Variants in SIPA1L1 observed in about 807,000 individuals in gnomAD.
SIPA1L1 encodes the protein signal induced proliferation associated 1 like 1, also known as signal-induced proliferation-associated 1-like protein 1.
A neutral mutation model predicts 162.7 loss-of-function variants in SIPA1L1; 26 were observed. That is an observed-to-expected ratio of 0.16 (90% CI 0.12 to 0.22). The LOEUF (loss-of-function observed/expected upper bound fraction) is 0.22, where lower values mean the gene tolerates loss of function less well. Ranked by LOEUF, SIPA1L1 falls within the 10% of genes least tolerant of loss-of-function variation. The pLI, the probability that SIPA1L1 is intolerant of heterozygous loss-of-function variation, is 1.00. For synonymous variants in SIPA1L1, 829 were observed against 837.4 expected, an observed-to-expected ratio of 0.99 and a Z score of 0.17; for missense variants, 1,874 against 2,241.0, an observed-to-expected ratio of 0.84 and a Z score of 3.31.
intron 7 of SIPA1L1, among the ~76,000 whole-genome samples, chr14:71,627,501 A>G (rs1275398123): frequency 6.6e-6 from 1 of 151,928 alleles, no homozygotes; most frequent in Admixed American, 6.6e-5. Context: ...AGAAGACAAA[A>G]CTAACCTCCT....
At chr14:71,349,920 G>A (rs2036529857) in intron 2 of SIPA1L1, among the ~76,000 whole-genome samples, 1 of 152,170 alleles carries the variant, frequency 6.6e-6, no homozygotes, top group Admixed American at 6.5e-5. Context: ...GTGCTCTTGT[G>A]ACACTGGGGA....
At chr14:71,446,951 TC>T (rs2045448263) in intron 2 of SIPA1L1, among the ~76,000 whole-genome samples, 1 of 141,120 alleles carries the variant, frequency 7.1e-6, no homozygotes, top group Non-Finnish European at 1.5e-5. Flanking sequence ...TTGCTTTGTT[TC>T]CCAGGCTGGA....
intron 2 of SIPA1L1, among the ~76,000 whole-genome samples, chr14:71,396,358 C>T (rs764990359): frequency 3.3e-5 from 5 of 152,138 alleles, no homozygotes; most frequent in Non-Finnish European, 7.4e-5. Context: ...TTGGGTTTCT[C>T]AGCCCAGTGC....
intron 17 of SIPA1L1, among the ~76,000 whole-genome samples, chr14:71,715,602 C>T (rs117395809): frequency 1.4e-3 from 207 of 152,330 alleles, no homozygotes; most frequent in Non-Finnish European, 2.4e-3. Context: ...GCTGTTTTTA[C>T]ATGTCTGTTG....
chr14:71,518,187 G>A lies in SIPA1L1; in HGVS notation c.-362+5342G>A, dbSNP rs60239886. ...TAGTTTCAGTTACTTGGGAGGCTGA[G>A]GTGGGAGGATTGCTTGAGCTTCAGA... is the stretch of plus-strand genomic sequence containing the variant. On this transcript the variant is annotated intron_variant, in intron 3 of 23. Transcript: ENST00000381232. Among the ~76,000 whole-genome samples the A allele has an allele frequency of 3.9e-3, 592 of 152,162 alleles. 6 individuals are homozygous for A. The highest frequency in any genetic ancestry group is 0.014 in the African/African-American group (571 of 41,512).
intron 2 of SIPA1L1, among the ~76,000 whole-genome samples, chr14:71,414,328 G>A (rs1374009629): frequency 2.0e-5 from 3 of 152,170 alleles, no homozygotes; most frequent in South Asian, 2.1e-4. Context: ...GCAGTGAGCC[G>A]AGATTGTGCC....
chr14:71,498,000 G>A (rs2049922484), intron 2 of SIPA1L1: 1 of 152,172 alleles, frequency 6.6e-6, no homozygotes, highest in Non-Finnish European at 1.5e-5. Context: ...CCACTACATG[G>A]TATTGCCAGC....
At chr14:71,609,450 ATTTAT>A (rs1342081785) in intron 5 of SIPA1L1, among the ~76,000 whole-genome samples, 1 of 143,630 alleles carries the variant, frequency 7.0e-6, no homozygotes, top group African/African-American at 2.6e-5. Flanking sequence ...TTATTTATTT[ATTTAT>A]TTATTTATTT....
chr14:71,675,454 A>G (rs2045047850), intron 12 of SIPA1L1, among the ~76,000 whole-genome samples: 1 of 152,204 alleles, frequency 6.6e-6, no homozygotes, highest in South Asian at 2.1e-4. Context: ...AGACCTGGGC[A>G]GGGCAGGTGG....
At chr14:71,703,595 A>G (rs746728345) in intron 15 of SIPA1L1, among the ~76,000 whole-genome samples, 2 of 152,182 alleles carry the variant, frequency 1.3e-5, no homozygotes, top group Non-Finnish European at 2.9e-5. Flanking sequence ...GCATATTCTG[A>G]TCTGCTTTTC....
chr14:71,423,773 A>G (rs931775892), intron 2 of SIPA1L1, among the ~76,000 whole-genome samples: 1 of 152,064 alleles, frequency 6.6e-6, no homozygotes, highest in Non-Finnish European at 1.5e-5. Flanking sequence ...CCTTTTCAGG[A>G]TCATTGTGGC....
rs2083485602 is a variant in SIPA1L1 at position 71,719,083 on chromosome 14, C to A, written c.4209-4564C>A. Among the ~76,000 whole-genome samples the A allele has an allele frequency of 2.0e-5, 3 of 151,994 alleles. No individual in the cohort carries two copies. The South Asian group carries it at 6.2e-4, about 32-fold the overall frequency. ...CCCCCCAAGTAGCTGGGTCTACAGG[C>A]ACATGCCACCACACCTGGCTAATTT... On this transcript the variant is annotated intron_variant, in intron 17 of 23. Coordinates refer to ENST00000381232, the MANE Select transcript of SIPA1L1 (RefSeq NM_001386936.1).
intron 17 of SIPA1L1, among the ~76,000 whole-genome samples, chr14:71,715,548 A>G (rs748028573): frequency 1.2e-4 from 18 of 152,266 alleles, no homozygotes; most frequent in Non-Finnish European, 2.2e-4. Context: ...ACATTAGCAT[A>G]GCCTAGTACC....
At chr14:71,411,664 G>T (rs2042414401) in intron 2 of SIPA1L1, among the ~76,000 whole-genome samples, 1 of 152,184 alleles carries the variant, frequency 6.6e-6, no homozygotes, top group Non-Finnish European at 1.5e-5. Flanking sequence ...CTCCCGACTG[G>T]AGTCCTGCCT....
chr14:71,329,521 A>G (rs545384970), intron 2 of SIPA1L1, among the ~76,000 whole-genome samples: 8 of 151,808 alleles, frequency 5.3e-5, no homozygotes, highest in Admixed American at 1.3e-4. Flanking sequence ...GCTCACTGCA[A>G]CGTCCACCTC....
chr14:71,499,041 A>G (rs890140327), intron 2 of SIPA1L1, among the ~76,000 whole-genome samples: 1 of 152,242 alleles, frequency 6.6e-6, no homozygotes, highest in Non-Finnish European at 1.5e-5. Flanking sequence ...AACAAGTGAC[A>G]AGAAAAAGTA....
At chr14:71,472,331 T>C (rs2047525954) in intron 2 of SIPA1L1, among the ~76,000 whole-genome samples, 1 of 150,476 alleles carries the variant, frequency 6.6e-6, no homozygotes, top group Admixed American at 6.6e-5. Context: ...TTAAATACTT[T>C]GGAAAGCTTC....
At chr14:71,395,129 A>G (rs938916216) in intron 2 of SIPA1L1, among the ~76,000 whole-genome samples, 3 of 152,236 alleles carry the variant, frequency 2.0e-5, no homozygotes, top group African/African-American at 7.2e-5. Flanking sequence ...ATTTCATCAG[A>G]TCTACAAAAT....
chr14:71,335,857 A>G (rs541141395), intron 2 of SIPA1L1, among the ~76,000 whole-genome samples: 3 of 152,374 alleles, frequency 2.0e-5, no homozygotes, highest in African/African-American at 7.2e-5. Context: ...AAACTGAACC[A>G]TAGGTACCCA....
Sources: gnomAD v4.1 joint callset for allele counts (sites outside exome capture counted in the v4.1 genomes callset) on GRCh38, gnomAD v4.1.1 for gene constraint, MANE v1.5 for transcripts, NCBI Gene and HGNC (gene_info 2026-07-23, HGNC 2026-07-21) for gene names.